ASAP2: variants seen among roughly 807,000 people sequenced by gnomAD.
ASAP2 encodes the protein ArfGAP with SH3 domain, ankyrin repeat and PH domain 2.
Under a neutral mutation model 131.4 loss-of-function variants are expected in ASAP2, and 45 were observed. The ratio of observed to expected loss-of-function variants is 0.34; its 90% CI spans 0.27 to 0.44. The LOEUF (loss-of-function observed/expected upper bound fraction) is 0.44. Ranked by LOEUF, ASAP2 falls within the 20% of genes least tolerant of loss-of-function variation. ASAP2 has a pLI of 1.00. For missense variants in ASAP2, 1,011 were observed against 1,297.0 expected (o/e 0.78, Z 3.39); for synonymous variants, 510 against 503.0 (o/e 1.01, Z -0.19).
chr2:9,333,615 G>T (rs1010941519), intron 7 of ASAP2, among the ~76,000 whole-genome samples: 2 of 152,202 alleles, frequency 1.3e-5, no homozygotes, highest in Admixed American at 1.3e-4. Flanking sequence ...GGTCATGGAG[G>T]AAGGGAGAAA....
chr2:9,367,795 T>C (rs945626113), intron 15 of ASAP2, among the ~76,000 whole-genome samples: 1 of 152,246 alleles, frequency 6.6e-6, no homozygotes, highest in Non-Finnish European at 1.5e-5. Context: ...ATGTTTAACA[T>C]GTCAGAAGAT....
chr2:9,247,251 G>C (rs1260527662), intron 1 of ASAP2, among the ~76,000 whole-genome samples: 1 of 152,196 alleles, frequency 6.6e-6, no homozygotes, highest in African/African-American at 2.4e-5. Context: ...GCAGCAGCTG[G>C]AAATCCTAAT....
In ASAP2 at chr2:9,207,558, G is replaced by A. The variant is rs1159477070; in HGVS notation, c.126+328G>A. Reference sequence around the variant, plus strand: ...GCGGGGGATCCCGCTGCCCGCCGCCGCCCGCCGCCGCCCGGGGTCTTTGGT... The same window carrying A: ...GCGGGGGATCCCGCTGCCCGCCGCCACCCGCCGCCGCCCGGGGTCTTTGGT... On this transcript the variant is annotated intron_variant, in intron 1 of 27. Transcript: ENST00000281419. The surrounding 1 kb of genome is among the most constrained non-coding windows in gnomAD (Gnocchi z 4.1). Among the ~76,000 whole-genome samples, 1 of 152,022 alleles carries A rather than the reference G, an allele frequency of 6.6e-6. No individual in the cohort carries two copies. Among genetic ancestry groups the A allele is most frequent in the East Asian group, 1.9e-4 (1 of 5,164 alleles).
At chr2:9,277,172 A>T (rs77819526) in intron 1 of ASAP2, among the ~76,000 whole-genome samples, 1,567 of 152,300 alleles carry the variant, frequency 0.01, 13 homozygotes, top group Non-Finnish European at 0.016. Context: ...GAGCACCGTG[A>T]ACTGGCACCT....
chr2:9,271,726 GCTGAGTCCTCGGCA>G, intron 1 of ASAP2: 1 of 447,464 alleles, frequency 2.2e-6, no homozygotes, highest in Admixed American at 4.0e-5. Context: ...GGGGGAGGCT[GCTGAGTCCTCGGCA>G]GTGGCTCAGT....
At chr2:9,241,891 T>C (rs1324430539) in intron 1 of ASAP2, among the ~76,000 whole-genome samples, 1 of 152,170 alleles carries the variant, frequency 6.6e-6, no homozygotes, top group African/African-American at 2.4e-5. Context: ...ATTACATGGT[T>C]GCACATGTTA....
intron 1 of ASAP2, among the ~76,000 whole-genome samples, chr2:9,252,341 G>T (rs981066341): frequency 6.6e-6 from 1 of 152,230 alleles, no homozygotes; most frequent in Non-Finnish European, 1.5e-5. Context: ...AGCACTTTGA[G>T]AGGTCGAGAT....
chr2:9,252,128 G>A (rs546166142), intron 1 of ASAP2, among the ~76,000 whole-genome samples: 2 of 152,314 alleles, frequency 1.3e-5, no homozygotes, highest in East Asian at 1.9e-4. Flanking sequence ...ACTGTGAGGT[G>A]CCTTGGAGAG....
At chr2:9,251,495 G>A (rs1196218003) in intron 1 of ASAP2, among the ~76,000 whole-genome samples, 1 of 152,208 alleles carries the variant, frequency 6.6e-6, no homozygotes, top group Non-Finnish European at 1.5e-5. Context: ...AATCCCTGAT[G>A]TCCGTCGGGT....
In ASAP2 at chr2:9,242,603, G is replaced by A. The variant is rs1664051654; in HGVS notation, c.126+35373G>A. On this transcript the variant is annotated intron_variant, in intron 1 of 27. Coordinates refer to ENST00000281419, the MANE Select transcript of ASAP2 (RefSeq NM_003887.3). ...TGAGTCTTCATCCTGAAACTGCTGGGGCTGATAGCTGGTCGCGGGATCACC... is the reference window on the plus strand; with the variant it reads ...TGAGTCTTCATCCTGAAACTGCTGGAGCTGATAGCTGGTCGCGGGATCACC... Among the ~76,000 whole-genome samples the A allele has an allele frequency of 2.6e-5, 4 of 152,282 alleles. No homozygotes were observed. In the South Asian group the frequency reaches 8.3e-4, roughly 32 times the overall value.
intron 9 of ASAP2, among the ~76,000 whole-genome samples, chr2:9,339,502 ATTAT>A (rs1309965671): frequency 6.6e-6 from 1 of 151,964 alleles, no homozygotes; most frequent in East Asian, 1.9e-4. Context: ...TAATAGTAAA[ATTAT>A]TTATTAATAA....
intron 1 of ASAP2, among the ~76,000 whole-genome samples, chr2:9,256,044 G>GTTCCTTCCTTAGACTTCCAACC (rs1665134848): frequency 6.6e-6 from 1 of 151,452 alleles, no homozygotes; most frequent in Non-Finnish European, 1.5e-5. Flanking sequence ...AGGAACCTGT[G>GTTCCTTCCTTAGACTTCCAACC]TAGACTTAAA....
At chr2:9,271,664 G>A in intron 1 of ASAP2, 1 of 682,226 alleles carries the variant, frequency 1.5e-6, no homozygotes, top group Non-Finnish European at 2.3e-6. Context: ...GAAATGGTCT[G>A]CGGAAGACGG....
intron 1 of ASAP2, among the ~76,000 whole-genome samples, chr2:9,247,183 C>T: frequency 6.6e-6 from 1 of 152,208 alleles, no homozygotes; most frequent in East Asian, 1.9e-4. Flanking sequence ...TTCCTGACAG[C>T]AGTCTGTCTG....
At chr2:9,251,121 G>A (rs954492893) in intron 1 of ASAP2, among the ~76,000 whole-genome samples, 2 of 152,228 alleles carry the variant, frequency 1.3e-5, no homozygotes, top group South Asian at 2.1e-4. Flanking sequence ...ATAAGTGGAC[G>A]GGAGTGGAGC....
chr2:9,287,168 G>A (rs1052894357), intron 2 of ASAP2, among the ~76,000 whole-genome samples: 3 of 152,214 alleles, frequency 2.0e-5, no homozygotes, highest in African/African-American at 7.2e-5. Context: ...GTGCTGAGGC[G>A]GGAAGTTGCT....
At position 9,403,397 on chromosome 2, in the gene ASAP2, T is replaced by A; in HGVS notation, c.*70T>A. The A allele has an allele frequency of 6.7e-7, 1 of 1,487,122 alleles. No homozygotes were observed. Among genetic ancestry groups the A allele is most frequent in the Non-Finnish European group, 9.3e-7 (1 of 1,070,758 alleles). The allele number at this position is 1,487,122 out of a possible 1,614,324, so 92.1% of individuals were successfully genotyped here. Reference sequence around the variant, plus strand: ...TATTGGTACCAAAACTCTTGCCAGATAACCAGTTTCATGAACTGTTTGTAT... The same window carrying A: ...TATTGGTACCAAAACTCTTGCCAGAAAACCAGTTTCATGAACTGTTTGTAT... On this transcript the variant is annotated 3_prime_UTR_variant, in exon 28 of 28. Coordinates refer to ENST00000281419, the MANE Select transcript of ASAP2 (RefSeq NM_003887.3).
At chr2:9,245,137 G>A (rs1389615574) in intron 1 of ASAP2, among the ~76,000 whole-genome samples, 1 of 152,196 alleles carries the variant, frequency 6.6e-6, no homozygotes, top group Non-Finnish European at 1.5e-5. Context: ...GAATAATATT[G>A]TTATTAATAG....
intron 1 of ASAP2, among the ~76,000 whole-genome samples, chr2:9,229,149 G>A (rs1319283732): frequency 1.3e-5 from 2 of 151,412 alleles, no homozygotes; most frequent in Non-Finnish European, 2.9e-5. Context: ...CAGATGTGGA[G>A]CCCCCCCCGC....
Sources: gnomAD v4.1 joint callset for allele counts (sites outside exome capture counted in the v4.1 genomes callset) on GRCh38, gnomAD v4.1.1 for gene constraint, Gnocchi (gnomAD v3.1) non-coding constraint, MANE v1.5 for transcripts, NCBI Gene and HGNC (gene_info 2026-07-23, HGNC 2026-07-21) for gene names.